Variants in PACS2 observed in about 807,000 individuals in gnomAD.
PACS2 encodes the protein phosphofurin acidic cluster sorting protein 2, also known as PACS1-like protein.
PACS2 carries 36 observed loss-of-function variants against 113.0 expected under a neutral mutation model. The ratio of observed to expected loss-of-function variants is 0.32; its 90% CI spans 0.24 to 0.42. PACS2 has a LOEUF of 0.42. PACS2 is among the 10% of genes least tolerant of loss of function. The probability of loss-of-function intolerance (pLI) is 1.00; values close to 1 mark genes in which losing one functional copy is unlikely to be tolerated. For synonymous variants in PACS2, 589 were observed against 536.1 expected (o/e 1.10, Z -1.36); for missense variants, 1,015 against 1,239.5 (o/e 0.82, Z 2.72).
chr14:105,362,186 C>A (rs143931049), intron 4 of PACS2, among the ~76,000 whole-genome samples: 19,113 of 150,232 alleles, frequency 0.13, 1,603 homozygotes, highest in African/African-American at 0.24. Flanking sequence ...TGGGAGGCCA[C>A]GGTGGGCGGA....
rs1398724590 is a variant in PACS2 at position 105,395,205 on chromosome 14, C to T, written c.*533C>T. ...CCTGCCTGCGGCGGAGGTTTTATAG[C>T]AGCAGATATTTTTAATGCTTTTCAA... On this transcript the variant is annotated 3_prime_UTR_variant, in exon 25 of 25. Coordinates refer to ENST00000447393, the MANE Select transcript of PACS2 (RefSeq NM_001100913.3). 6.5e-6 allele frequency: 1 copy of T among 153,412 alleles called. No homozygotes were observed. The highest frequency in any genetic ancestry group is 2.4e-5 in the African/African-American group (1 of 41,490). 9.5% of individuals were successfully genotyped at this position (153,412 alleles called of 1,614,324 possible).
intron 1 of PACS2, among the ~76,000 whole-genome samples, chr14:105,305,867 ACTC>A (rs1475851785): frequency 6.6e-6 from 1 of 152,202 alleles, no homozygotes; most frequent in Non-Finnish European, 1.5e-5. Context: ...GGTCCTCTGT[ACTC>A]CTCATTCAGC....
intron 19 of PACS2, among the ~76,000 whole-genome samples, chr14:105,387,247 C>G (rs1555413785): frequency 6.6e-6 from 1 of 152,206 alleles, no homozygotes; most frequent in South Asian, 2.1e-4. Flanking sequence ...TGTGCAGAGC[C>G]CTCTCCAGCC....
intron 9 of PACS2, among the ~76,000 whole-genome samples, chr14:105,379,456 G>A (rs28488281): frequency 0.11 from 16,925 of 152,264 alleles, 3,168 homozygotes; most frequent in African/African-American, 0.38. Flanking sequence ...AGTTTCAGGG[G>A]TGTGTGTTTC....
chr14:105,391,594 A>C (rs782291985), intron 21 of PACS2, 37 bp from the exon 22 acceptor site: 1 of 1,380,770 alleles, frequency 7.2e-7, no homozygotes, highest in East Asian at 4.2e-5. Context: ...GCAGAGCAGC[A>C]GGTGGGCTCA....
intron 19 of PACS2, among the ~76,000 whole-genome samples, chr14:105,388,348 T>C (rs1034371744): frequency 3.3e-5 from 5 of 152,236 alleles, no homozygotes; most frequent in African/African-American, 7.2e-5. Flanking sequence ...GAGTGTGCTC[T>C]GGACCGGCTG....
intron 1 of PACS2, among the ~76,000 whole-genome samples, chr14:105,304,797 GAGA>G (rs1391126104): frequency 6.6e-6 from 1 of 152,260 alleles, no homozygotes; most frequent in Non-Finnish European, 1.5e-5. Context: ...AGCAGGGAGA[GAGA>G]GAGCTTCTGC....
chr14:105,350,544 C>T (rs1393270040), intron 2 of PACS2, among the ~76,000 whole-genome samples: 2 of 152,160 alleles, frequency 1.3e-5, no homozygotes, highest in Non-Finnish European at 2.9e-5. Flanking sequence ...CCCAGCTCAG[C>T]AGCCACGTGG....
chr14:105,362,358 A>T (rs190760236), intron 4 of PACS2, among the ~76,000 whole-genome samples: 1 of 147,796 alleles, frequency 6.8e-6, no homozygotes, highest in Non-Finnish European at 1.5e-5. Context: ...TGGAGCTTGC[A>T]GTGAGCCGAG....
intron 1 of PACS2, among the ~76,000 whole-genome samples, chr14:105,320,434 A>ATCTCAGCTCACTACAACCT (rs1456603177): frequency 1.3e-5 from 2 of 151,924 alleles, no homozygotes; most frequent in African/African-American, 4.8e-5. Flanking sequence ...CAGTGGTGTG[A>ATCTCAGCTCACTACAACCT]CCATGGCTCA....
At chr14:105,326,483 G>C (rs979723323) in intron 1 of PACS2, among the ~76,000 whole-genome samples, 4 of 152,268 alleles carry the variant, frequency 2.6e-5, no homozygotes, top group African/African-American at 9.6e-5. Flanking sequence ...GAATTGGGCT[G>C]TTCGTTCCTC....
intron 20 of PACS2, chr14:105,390,359 A>G: frequency 3.0e-6 from 1 of 332,990 alleles, no homozygotes; most frequent in Non-Finnish European, 5.8e-6. Flanking sequence ...TTAGGAGCCC[A>G]AGGCCCCGGG....
At chr14:105,375,474 T>TC (rs1260427988) in intron 8 of PACS2, among the ~76,000 whole-genome samples, 1 of 113,690 alleles carries the variant, frequency 8.8e-6, no homozygotes, top group Non-Finnish European at 1.6e-5. Flanking sequence ...AGTGCGAGAC[T>TC]CCATCTCAAA....
At chr14:105,304,296 C>T (rs587752769) in intron 1 of PACS2, among the ~76,000 whole-genome samples, 167 of 152,210 alleles carry the variant, frequency 1.1e-3, no homozygotes, top group Non-Finnish European at 1.3e-3. Flanking sequence ...TCAAGACCGT[C>T]CTGGCCAACA....
intron 1 of PACS2, among the ~76,000 whole-genome samples, chr14:105,343,659 T>C (rs1555402017): frequency 6.6e-6 from 1 of 152,180 alleles, no homozygotes. Flanking sequence ...GCTATCAATG[T>C]ATCTTTTCTG....
In PACS2 at chr14:105,376,947, G is replaced by A. The variant is rs202016544; in HGVS notation, c.959+22G>A. 5.5e-4 allele frequency: 865 copies of A among 1,568,876 alleles called. No homozygotes were observed. The highest frequency in any genetic ancestry group is 6.7e-4 in the Non-Finnish European group (778 of 1,155,628). ...TGCGGTGAGCCCTACAGGGCGGGGC[G>A]GGGAGGAACAGCCATTTCAGATGCC... On this transcript the variant is annotated intron_variant, in intron 9 of 24. Coordinates refer to ENST00000447393, the MANE Select transcript of PACS2 (RefSeq NM_001100913.3). The surrounding 1 kb of genome is among the most constrained non-coding windows in gnomAD (Gnocchi z 4.7).
Position 105,358,352 on chromosome 14 carries a change from A to G in PACS2, c.423+3175A>G, listed in dbSNP as rs888258824. Among the ~76,000 whole-genome samples the G allele has an allele frequency of 2.6e-5, 4 of 152,192 alleles. No individual in the cohort carries two copies. The highest frequency in any genetic ancestry group is 4.4e-5 in the Non-Finnish European group (3 of 68,024). The stretch of plus-strand genomic sequence containing the variant: ...TGCTGGGCACGCGCCTCTGCCTGCC[A>G]CTTCTCAGGAAGCTTGAGCTGACTG... On this transcript the variant is annotated intron_variant, in intron 4 of 24. Coordinates refer to ENST00000447393, the MANE Select transcript of PACS2 (RefSeq NM_001100913.3). This position sits in a 1 kb window ranked among gnomAD's most constrained non-coding sequence, Gnocchi z 4.9.
At chr14:105,371,918 G>A (rs1157581643) in intron 8 of PACS2, 1 of 152,244 alleles carries the variant, frequency 6.6e-6, no homozygotes, top group African/African-American at 2.4e-5. Flanking sequence ...GTGTTGTGTG[G>A]TGAGAGGGCC....
chr14:105,364,377 C>T (rs2141121180), intron 4 of PACS2, among the ~76,000 whole-genome samples: 1 of 110,324 alleles, frequency 9.1e-6, no homozygotes, highest in Non-Finnish European at 1.7e-5. Context: ...GGTGGGCGTC[C>T]CGGGTGCGCG....
Sources: gnomAD v4.1 joint callset for allele counts (sites outside exome capture counted in the v4.1 genomes callset) on GRCh38, gnomAD v4.1.1 for gene constraint, Gnocchi (gnomAD v3.1) non-coding constraint, MANE v1.5 for transcripts, NCBI Gene and HGNC (gene_info 2026-07-23, HGNC 2026-07-21) for gene names.